SLC35F3: variants seen among roughly 807,000 people sequenced by gnomAD.
The protein encoded by SLC35F3 is putative thiamine transporter SLC35F3.
SLC35F3 carries 25 observed loss-of-function variants against 49.9 expected under a neutral mutation model. That is an observed-to-expected ratio of 0.50 (90% CI 0.37 to 0.70). The LOEUF is 0.70. SLC35F3 is among the 30% of genes least tolerant of loss of function. The probability of loss-of-function intolerance (pLI) is 0.00; values close to 1 mark genes in which losing one functional copy is unlikely to be tolerated. For synonymous variants in SLC35F3, 275 were observed against 265.4 expected, an observed-to-expected ratio of 1.04 and a Z score of -0.35; for missense variants, 525 against 639.8, an observed-to-expected ratio of 0.82 and a Z score of 1.94.
chr1:234,280,234 A>G (rs1668301061), intron 3 of SLC35F3, among the ~76,000 whole-genome samples: 1 of 152,174 alleles, frequency 6.6e-6, no homozygotes, highest in Non-Finnish European at 1.5e-5. Flanking sequence ...GCTTCCCCCA[A>G]AACGAGGGGG....
chr1:233,954,449 A>T (rs1662661937), intron 2 of SLC35F3, among the ~76,000 whole-genome samples: 1 of 152,302 alleles, frequency 6.6e-6, no homozygotes, highest in Admixed American at 6.5e-5. Flanking sequence ...AGGAGGTGTT[A>T]CAAGGAGTCT....
At chr1:234,259,268 C>T (rs1485265096) in intron 3 of SLC35F3, among the ~76,000 whole-genome samples, 1 of 152,180 alleles carries the variant, frequency 6.6e-6, no homozygotes, top group Non-Finnish European at 1.5e-5. Context: ...CTACTTCTTC[C>T]TCCAGTATAT....
At chr1:234,089,197 C>T (rs1448876657) in intron 2 of SLC35F3, among the ~76,000 whole-genome samples, 1 of 151,986 alleles carries the variant, frequency 6.6e-6, no homozygotes, top group Admixed American at 6.5e-5. Flanking sequence ...CCAGCTCCTC[C>T]TTGTTGTGTA....
intron 2 of SLC35F3, among the ~76,000 whole-genome samples, chr1:234,013,816 T>A (rs1663761249): frequency 6.7e-6 from 1 of 148,198 alleles, no homozygotes; most frequent in South Asian, 2.1e-4. Flanking sequence ...CAGTAACGAG[T>A]AAAGAGACTG....
chr1:234,003,859 C>T (rs1663589980), intron 2 of SLC35F3, among the ~76,000 whole-genome samples: 1 of 152,138 alleles, frequency 6.6e-6, no homozygotes, highest in African/African-American at 2.4e-5. Context: ...GATGCTCAGC[C>T]TTACCCCTAA....
rs151103264 is a variant in SLC35F3 at position 234,224,557 on chromosome 1, C to A, written c.284-6860C>A. 6.6e-3 allele frequency among the ~76,000 whole-genome samples: 998 copies of A among 152,326 alleles called. 4 individuals carry two copies. The highest frequency in any genetic ancestry group is 0.01 in the Non-Finnish European group (693 of 68,034). ...TTCCATGTTACAAATGTGTTTCTGTCCTCTGCATACCTGAAGTCCCTCTTT... is the reference window on the plus strand; with the variant it reads ...TTCCATGTTACAAATGTGTTTCTGTACTCTGCATACCTGAAGTCCCTCTTT... On this transcript the variant is annotated intron_variant, in intron 2 of 7. Transcript: ENST00000366618.
chr1:234,236,960 T>C (rs1198237433), intron 3 of SLC35F3, among the ~76,000 whole-genome samples: 1 of 108,836 alleles, frequency 9.2e-6, no homozygotes, highest in African/African-American at 3.5e-5. Flanking sequence ...TATATATATA[T>C]ATATGGAGGA....
intron 3 of SLC35F3, among the ~76,000 whole-genome samples, chr1:234,303,514 C>A (rs961450811): frequency 5.9e-5 from 9 of 152,238 alleles, no homozygotes; most frequent in Non-Finnish European, 1.2e-4. Flanking sequence ...TGCTTTGGTG[C>A]AGCCTGTCCT....
chr1:233,906,207 T>A (rs1228939913), intron 2 of SLC35F3, among the ~76,000 whole-genome samples: 2 of 152,216 alleles, frequency 1.3e-5, no homozygotes, highest in East Asian at 3.8e-4. Flanking sequence ...CTCCTAGCCC[T>A]GATGATAGAG....
intron 2 of SLC35F3, among the ~76,000 whole-genome samples, chr1:233,920,023 G>T (rs35433360): frequency 0.48 from 73,515 of 152,066 alleles, 19,459 homozygotes; most frequent in East Asian, 0.73. Flanking sequence ...CTCTAGGAGG[G>T]TGTTGTTAAT....
At chr1:233,980,740 C>T (rs972726610) in intron 2 of SLC35F3, among the ~76,000 whole-genome samples, 1 of 152,134 alleles carries the variant, frequency 6.6e-6, no homozygotes, top group African/African-American at 2.4e-5. Flanking sequence ...TGTTAATACA[C>T]TGAAACAAGT....
chr1:234,081,657 C>T (rs1262963263), intron 2 of SLC35F3, among the ~76,000 whole-genome samples: 4 of 152,018 alleles, frequency 2.6e-5, no homozygotes, highest in African/African-American at 9.7e-5. Context: ...CTGTCTTGTC[C>T]ACTGTAAAAG....
rs1189321300 is a variant in SLC35F3, at chr1:234,278,504, AACGAAAAAAAAAG to A, written c.609-30595_609-30583del. 7.9e-5 allele frequency among the ~76,000 whole-genome samples: 12 copies of A among 151,888 alleles called. No individual in the cohort carries two copies. In the East Asian group the frequency reaches 2.3e-3, roughly 29 times the overall value. ...GACTCTGTTTCAAAAGAAAAAAAAA[AACGAAAAAAAAAG>A]AGAAAAAACTAAAGCTGAGTTGTCA... On this transcript the variant is annotated intron_variant, in intron 3 of 7. Transcript: ENST00000366618.
rs181679345 is a variant in SLC35F3, at chr1:234,303,387, C to T, written c.609-5714C>T. Among the ~76,000 whole-genome samples the T allele has an allele frequency of 4.1e-4, 62 of 152,350 alleles. No individual in the cohort carries two copies. The East Asian group carries it at 4.2e-3, about 10-fold the overall frequency. On this transcript the variant is annotated intron_variant, in intron 3 of 7. Coordinates refer to ENST00000366618, the MANE Select transcript of SLC35F3 (RefSeq NM_173508.4). ...GAGAATCTCCTCCAGGAGCCTTCTG[C>T]GGTTCCCGGTCTGCAGCAGAGCACC...
At position 234,299,560 on chromosome 1, in the gene SLC35F3, C is replaced by T. The variant is rs535905841; in HGVS notation, c.609-9541C>T. ...GTGGCTCACACCTGTAATCCCAGCA[C>T]TTTGGGAGGCCAAGACGGGCAGATC... On this transcript the variant is annotated intron_variant, in intron 3 of 7. Transcript: ENST00000366618. Among the ~76,000 whole-genome samples the T allele has an allele frequency of 3.4e-4, 51 of 152,206 alleles. No individual in the cohort carries two copies. The South Asian group carries it at 0.01, about 30-fold the overall frequency.
intron 2 of SLC35F3, among the ~76,000 whole-genome samples, chr1:234,066,132 A>G (rs1034476436): frequency 1.1e-4 from 16 of 152,210 alleles, no homozygotes; most frequent in African/African-American, 3.9e-4. Flanking sequence ...AGGAATTCCA[A>G]GGAATTCCAG....
intron 2 of SLC35F3, among the ~76,000 whole-genome samples, chr1:233,941,608 A>G (rs1465932259): frequency 6.6e-6 from 1 of 152,196 alleles, no homozygotes; most frequent in African/African-American, 2.4e-5. Context: ...CAAAAAACCA[A>G]TTATACCAAA....
chr1:234,270,471 C>T (rs566967550), intron 3 of SLC35F3, among the ~76,000 whole-genome samples: 30 of 152,244 alleles, frequency 2.0e-4, no homozygotes, highest in Middle Eastern at 3.4e-3. Context: ...GAGGCATGGC[C>T]GGTGATACAG....
intron 2 of SLC35F3, among the ~76,000 whole-genome samples, chr1:234,226,895 C>G (rs1190467614): frequency 6.6e-6 from 1 of 151,974 alleles, no homozygotes; most frequent in Admixed American, 6.6e-5. Context: ...TTACATCTCA[C>G]CATGCCATGG....
Sources: gnomAD v4.1 joint callset for allele counts (sites outside exome capture counted in the v4.1 genomes callset) on GRCh38, gnomAD v4.1.1 for gene constraint, MANE v1.5 for transcripts, NCBI Gene and HGNC (gene_info 2026-07-23, HGNC 2026-07-21) for gene names.